The following SMYD3 variants were observed in gnomAD, a reference collection of about 807,000 sequenced individuals.
SMYD3 encodes histone-lysine N-methyltransferase SMYD3.
In SMYD3, 36 loss-of-function variants were observed where a neutral mutation model predicts 57.7. That is an observed-to-expected ratio of 0.62 (90% CI 0.48 to 0.82). SMYD3 has a LOEUF of 0.82. SMYD3 is among the 40% of genes least tolerant of loss of function. The probability of loss-of-function intolerance (pLI) is 0.00; values close to 1 mark genes in which losing one functional copy is unlikely to be tolerated. For missense variants in SMYD3, 515 were observed against 538.8 expected (o/e 0.96, Z 0.44); for synonymous variants, 211 against 195.0 (o/e 1.08, Z -0.68).
At chr1:245,992,940 A>G (rs1200661460) in intron 5 of SMYD3, among the ~76,000 whole-genome samples, 3 of 141,718 alleles carry the variant, frequency 2.1e-5, no homozygotes, top group Non-Finnish European at 3.1e-5. Flanking sequence ...TGGAGTGGTC[A>G]TGGATCGGCC....
rs183739038 is a variant in SMYD3 at position 245,863,065 on chromosome 1, T to G, written c.901+734A>C. Among the ~76,000 whole-genome samples the G allele has an allele frequency of 4.4e-3, 672 of 152,342 alleles. 3 individuals are homozygous for G. Among genetic ancestry groups the G allele is most frequent in the Non-Finnish European group, 6.8e-3 (460 of 68,038 alleles). ...ATGTTCTTAGTGCCTGGGATATAAA[T>G]TTACCCCAGAGCCTCTGAATGACCT... On this transcript the variant is annotated intron_variant, in intron 9 of 11. Transcript: ENST00000490107.
chr1:245,880,099 C>T (rs2052700390), intron 8 of SMYD3, among the ~76,000 whole-genome samples: 1 of 152,216 alleles, frequency 6.6e-6, no homozygotes, highest in South Asian at 2.1e-4. Context: ...AGAGATAGCA[C>T]AGGTGCGTTG....
chr1:246,278,164 G>C (rs1421109757), intron 5 of SMYD3, among the ~76,000 whole-genome samples: 1 of 151,858 alleles, frequency 6.6e-6, no homozygotes, highest in African/African-American at 2.4e-5. Context: ...CAAGTGCTGT[G>C]AATGTGAAAC....
intron 5 of SMYD3, among the ~76,000 whole-genome samples, chr1:246,047,027 T>A (rs2148313269): frequency 6.6e-6 from 1 of 152,174 alleles, no homozygotes; most frequent in South Asian, 2.1e-4. Context: ...AAGATAAACA[T>A]ATGTTCCTGA....
At chr1:246,346,554 AAC>A (rs778944503) in intron 2 of SMYD3, among the ~76,000 whole-genome samples, 7 of 152,172 alleles carry the variant, frequency 4.6e-5, no homozygotes, top group Non-Finnish European at 1.0e-4. Context: ...AGGGGAAGCA[AAC>A]ACATCCTTCT....
At chr1:246,255,979 T>TAGACAGACAGAC (rs201080839) in intron 5 of SMYD3, among the ~76,000 whole-genome samples, 1,654 of 147,752 alleles carry the variant, frequency 0.011, 28 homozygotes, top group East Asian at 0.053. Flanking sequence ...GATAGATAGA[T>TAGACAGACAGAC]AGATAGATAC....
chr1:246,247,531 A>C (rs1452641546), intron 5 of SMYD3, among the ~76,000 whole-genome samples: 1 of 147,252 alleles, frequency 6.8e-6, no homozygotes, highest in African/African-American at 2.6e-5. Context: ...CACGAGTTAA[A>C]AACATTTTAT....
intron 1 of SMYD3, among the ~76,000 whole-genome samples, chr1:246,472,673 G>A (rs528548855): frequency 1.3e-5 from 2 of 152,062 alleles, no homozygotes; most frequent in East Asian, 3.9e-4. Context: ...AATCTCGGGA[G>A]GTCAAGGCTA....
intron 5 of SMYD3, among the ~76,000 whole-genome samples, chr1:246,106,663 C>T (rs1418911018): frequency 6.6e-6 from 1 of 152,092 alleles, no homozygotes; most frequent in East Asian, 1.9e-4. Flanking sequence ...ACGTCTCTTC[C>T]CTCTGGTGGG....
At chr1:245,760,791 C>T (rs1004759301) in intron 11 of SMYD3, among the ~76,000 whole-genome samples, 2 of 151,986 alleles carry the variant, frequency 1.3e-5, no homozygotes, top group African/African-American at 4.8e-5. Context: ...CACCGTGTAC[C>T]CCAAACTACA....
At chr1:245,857,770 T>C (rs1397444458) in intron 10 of SMYD3, among the ~76,000 whole-genome samples, 1 of 152,266 alleles carries the variant, frequency 6.6e-6, no homozygotes, top group East Asian at 1.9e-4. Flanking sequence ...TCTAGAATTA[T>C]GTTCTCAGCC....
chr1:246,161,570 T>A (rs934686698), intron 5 of SMYD3, among the ~76,000 whole-genome samples: 1 of 152,220 alleles, frequency 6.6e-6, no homozygotes, highest in Non-Finnish European at 1.5e-5. Context: ...TATCATGCTC[T>A]ATTGTAATTA....
At chr1:246,025,482 C>T (rs12354335) in intron 5 of SMYD3, among the ~76,000 whole-genome samples, 2 of 152,172 alleles carry the variant, frequency 1.3e-5, no homozygotes, top group Non-Finnish European at 2.9e-5. Flanking sequence ...GGTACCAGTA[C>T]TGTGACGGTC....
At chr1:246,407,537 T>C (rs556472960) in intron 1 of SMYD3, among the ~76,000 whole-genome samples, 22 of 152,286 alleles carry the variant, frequency 1.4e-4, no homozygotes, top group Non-Finnish European at 2.1e-4. Flanking sequence ...GGGTGGCTTA[T>C]ATGCAACAAA....
At chr1:245,974,216 G>A (rs1206920715) in intron 5 of SMYD3, among the ~76,000 whole-genome samples, 1 of 152,078 alleles carries the variant, frequency 6.6e-6, no homozygotes, top group East Asian at 1.9e-4. Flanking sequence ...CTCTTTAAAT[G>A]ACATTTTTCA....
chr1:246,299,248 C>T (rs908550566), intron 5 of SMYD3, among the ~76,000 whole-genome samples: 4 of 152,064 alleles, frequency 2.6e-5, no homozygotes, highest in Non-Finnish European at 5.9e-5. Flanking sequence ...AAAAAAAGCT[C>T]AACATCACTG....
chr1:246,261,250 G>T (rs989406706), intron 5 of SMYD3, among the ~76,000 whole-genome samples: 3 of 151,836 alleles, frequency 2.0e-5, no homozygotes, highest in African/African-American at 7.3e-5. Context: ...AGTAGAGCTG[G>T]GTTTCACCGT....
intron 11 of SMYD3, among the ~76,000 whole-genome samples, chr1:245,763,237 C>T (rs1006586278): frequency 1.1e-4 from 16 of 152,216 alleles, no homozygotes; most frequent in African/African-American, 3.9e-4. Flanking sequence ...ATAATGAATA[C>T]TTCCTAAGTT....
chr1:246,269,427 C>T (rs749662657), intron 5 of SMYD3, among the ~76,000 whole-genome samples: 1 of 152,032 alleles, frequency 6.6e-6, no homozygotes, highest in Non-Finnish European at 1.5e-5. Context: ...GATAGAACCA[C>T]GATTAGAATC....
Sources: allele counts gnomAD v4.1 joint callset (sites outside exome capture counted in the v4.1 genomes callset), GRCh38; gene constraint gnomAD v4.1.1; transcripts MANE v1.5; gene names NCBI Gene and HGNC (gene_info 2026-07-23, HGNC 2026-07-21).